Variants in ASPRV1 observed in about 807,000 individuals in gnomAD.
The protein encoded by ASPRV1 is retroviral-like aspartic protease 1.
A neutral mutation model predicts 11.0 loss-of-function variants in ASPRV1; 7 were observed. That is an observed-to-expected ratio of 0.64 (90% CI 0.36 to 1.20). The LOEUF (loss-of-function observed/expected upper bound fraction) is 1.20, where lower values mean the gene tolerates loss of function less well. Ranked by LOEUF, ASPRV1 falls within the 50% of genes most tolerant of loss-of-function variation. ASPRV1 has a pLI of 0.02. For synonymous variants in ASPRV1, 136 were observed against 138.4 expected, an observed-to-expected ratio of 0.98 and a Z score of 0.12; for missense variants, 299 against 320.0, an observed-to-expected ratio of 0.93 and a Z score of 0.50.
chr2:70,003,783 T>C, the ASPRV1 span, among the ~76,000 whole-genome samples: 2 of 152,182 alleles, frequency 1.3e-5, no homozygotes, highest in Non-Finnish European at 2.9e-5. Context: ...AGTGCTGGGA[T>C]GTGGGGCCTG....
the ASPRV1 span, among the ~76,000 whole-genome samples, chr2:69,950,860 T>C: frequency 3.0e-4 from 43 of 142,860 alleles, no homozygotes; most frequent in African/African-American, 1.0e-3. Flanking sequence ...AATAAATAAA[T>C]AAATAAATAA....
the ASPRV1 span, among the ~76,000 whole-genome samples, chr2:70,035,845 TAAAC>T: frequency 2.2e-4 from 33 of 151,584 alleles, no homozygotes; most frequent in East Asian, 3.9e-4. Context: ...ATTCCAAAAA[TAAAC>T]AAACCTAATG....
downstream of ASPRV1, among the ~76,000 whole-genome samples, chr2:69,956,486 A>AGAAGAAGAAGAAGAAGAAGAAGAAGAGAG (rs1558579541): frequency 2.6e-5 from 4 of 150,984 alleles, no homozygotes; most frequent in African/African-American, 9.8e-5. Flanking sequence ...GAAAAGAGGA[A>AGAAGAAGAAGAAGAAGAAGAAGAAGAGAG]GAAGAAGAAG....
the ASPRV1 span, among the ~76,000 whole-genome samples, chr2:70,006,199 T>TG: frequency 1.3e-5 from 2 of 152,130 alleles, no homozygotes; most frequent in African/African-American, 4.8e-5. Context: ...GTGCTGGGGC[T>TG]GGGGGGTAAA....
chr2:69,961,119 GTTGGCAAAGACGATCTCT>G lies in ASPRV1; in HGVS notation c.300_317del (p.Lys100_Ala105del). The G allele has an allele frequency of 6.2e-7, 1 of 1,613,956 alleles. No individual in the cohort carries two copies. Among genetic ancestry groups the G allele is most frequent in the Non-Finnish European group, 8.5e-7 (1 of 1,179,934 alleles). The stretch of plus-strand genomic sequence containing the variant: ...TGAGATAGTAGCCCTTACCCATGCT[GTTGGCAAAGACGATCTCT>G]TTGGGCAGGTGGCTGGGGGCAGCCC... On this transcript the variant is annotated inframe_deletion, in exon 1 of 1. Coordinates refer to ENST00000320256, the MANE Select transcript of ASPRV1 (RefSeq NM_152792.4).
the ASPRV1 span, among the ~76,000 whole-genome samples, chr2:70,020,436 C>T: frequency 6.6e-6 from 1 of 152,106 alleles, no homozygotes; most frequent in African/African-American, 2.4e-5. Flanking sequence ...AAACATGCTA[C>T]AATATAAACA....
the ASPRV1 span, among the ~76,000 whole-genome samples, chr2:69,948,952 T>TA: frequency 6.6e-6 from 1 of 150,402 alleles, no homozygotes; most frequent in Non-Finnish European, 1.5e-5. Context: ...GCCTGGCCGC[T>TA]CCCCCCGGCA....
the ASPRV1 span, among the ~76,000 whole-genome samples, chr2:70,061,866 G>C: frequency 6.6e-6 from 1 of 151,912 alleles, no homozygotes; most frequent in East Asian, 1.9e-4. Flanking sequence ...TGCAGGCTGA[G>C]GCAGGAGAAT....
chr2:69,941,085 C>T, the ASPRV1 span: 4 of 151,976 alleles, frequency 2.6e-5, no homozygotes, highest in East Asian at 1.9e-4. Context: ...GACAATTGTA[C>T]GTAAATACAG....
chr2:70,056,880 G>A, the ASPRV1 span, among the ~76,000 whole-genome samples: 8 of 151,668 alleles, frequency 5.3e-5, no homozygotes, highest in South Asian at 6.3e-4. Context: ...GATTACAGGC[G>A]TGCGCCACCT....
the ASPRV1 span, among the ~76,000 whole-genome samples, chr2:70,079,302 G>A: frequency 6.6e-6 from 1 of 151,038 alleles, no homozygotes. Flanking sequence ...GTGAGACCCT[G>A]TCTCTACAAA....
the ASPRV1 span, chr2:70,055,634 G>A: frequency 6.6e-6 from 1 of 151,934 alleles, no homozygotes; most frequent in African/African-American, 2.4e-5. Flanking sequence ...TTGGGGGGTG[G>A]GGGTGAGGGG....
chr2:69,969,925 T>C, the ASPRV1 span, among the ~76,000 whole-genome samples: 936 of 148,224 alleles, frequency 6.3e-3, 10 homozygotes, highest in African/African-American at 0.022. Context: ...AAAGACAGGG[T>C]CTCCCTACAT....
chr2:69,996,021 T>C, the ASPRV1 span, among the ~76,000 whole-genome samples: 2 of 151,940 alleles, frequency 1.3e-5, no homozygotes, highest in Non-Finnish European at 2.9e-5. Flanking sequence ...CAGCATAACA[T>C]CCCTAGCTCT....
At chr2:70,045,843 A>C in the ASPRV1 span, 1 of 152,182 alleles carries the variant, frequency 6.6e-6, no homozygotes, top group Non-Finnish European at 1.5e-5. Context: ...GAATCGCTTA[A>C]ACCCAGAGGC....
At chr2:70,030,973 T>C in the ASPRV1 span, 3 of 152,126 alleles carry the variant, frequency 2.0e-5, no homozygotes, top group African/African-American at 7.2e-5. Context: ...ATCAAAATAT[T>C]ACATAAACAT....
the ASPRV1 span, among the ~76,000 whole-genome samples, chr2:69,935,137 A>G: frequency 6.6e-6 from 1 of 152,228 alleles, no homozygotes; most frequent in Non-Finnish European, 1.5e-5. Context: ...TTGTATTATC[A>G]ATAGACTTAG....
chr2:70,081,789 T>C, the ASPRV1 span, among the ~76,000 whole-genome samples: 1 of 152,010 alleles, frequency 6.6e-6, no homozygotes, highest in Non-Finnish European at 1.5e-5. Context: ...CTCACCATGT[T>C]GCCCAGACAG....
At chr2:70,071,087 A>G in the ASPRV1 span, among the ~76,000 whole-genome samples, 3 of 152,204 alleles carry the variant, frequency 2.0e-5, no homozygotes, top group Non-Finnish European at 4.4e-5. Flanking sequence ...CTGATGGCGT[A>G]TGCAGCAGGG....
Sources: gnomAD v4.1 joint callset for allele counts (sites outside exome capture counted in the v4.1 genomes callset) on GRCh38, gnomAD v4.1.1 for gene constraint, MANE v1.5 for transcripts, NCBI Gene and HGNC (gene_info 2026-07-23, HGNC 2026-07-21) for gene names.